HYKK: variants seen among roughly 807,000 people sequenced by gnomAD.
The protein encoded by HYKK is hydroxylysine kinase, also known as 5-hydroxy-L-lysine kinase.
HYKK carries 19 observed loss-of-function variants against 29.7 expected under a neutral mutation model. The observed-to-expected ratio is 0.64, with a 90% confidence interval of 0.45 to 0.94. The LOEUF (loss-of-function observed/expected upper bound fraction) is 0.94. HYKK is among the 40% of genes least tolerant of loss of function. HYKK has a pLI of 0.00. For synonymous variants in HYKK, 152 were observed against 158.1 expected, an observed-to-expected ratio of 0.96 and a Z score of 0.29; for missense variants, 390 against 443.4, an observed-to-expected ratio of 0.88 and a Z score of 1.08.
At position 78,513,135 on chromosome 15, in the gene HYKK, C is replaced by G; in HGVS notation, c.47C>G (p.Thr16Ser). The G allele has an allele frequency of 1.2e-6, 2 of 1,614,096 alleles. No individual in the cohort carries two copies. The highest frequency in any genetic ancestry group is 1.7e-5 in the Admixed American group (1 of 60,008). ...YQQSEALSKP[T>S]FSEEQASALV... ...CAGTCAGAGGCTCTTAGCAAACCCA[C>G]TTTCAGTGAGGAACAAGCCTCTGCG... The change falls in exon 2 of 5, where the codon ACT becomes AGT. Residue 16 changes from threonine (T) to serine (S), a missense_variant. Coordinates refer to ENST00000388988, the MANE Select transcript of HYKK (RefSeq NM_001013619.4).
At position 78,514,991 on chromosome 15, in the gene HYKK, T is replaced by C; in HGVS notation, c.361T>C (p.Tyr121His). ...AGATAGTGGCTCTGAAATCAAAAGC[T>C]ACTTGGTGAGGCTGCTGACTTACCT... ...SVDSGSEIKS[Y>H]LVRLLTYLPG... The change falls in exon 3 of 5, where the codon TAC becomes CAC. Residue 121 changes from tyrosine (Y) to histidine (H), a missense_variant. Tyr to His is a moderately conservative substitution (Grantham distance 83). Transcript: ENST00000388988. 3 of 1,579,288 alleles carry C rather than the reference T, an allele frequency of 1.9e-6. No individual in the cohort carries two copies. The highest frequency in any genetic ancestry group is 2.6e-6 in the Non-Finnish European group (3 of 1,161,472).
At chr15:78,513,530 T>A in intron 2 of HYKK, 105 bp downstream of exon 2, 1 of 807,764 alleles carries the variant, frequency 1.2e-6, no homozygotes, top group East Asian at 2.5e-5. Context: ...CAAGTGTAGA[T>A]GTGGTTGTTA....
intron 3 of HYKK, among the ~76,000 whole-genome samples, chr15:78,517,688 C>G (rs562372615): frequency 6.6e-6 from 1 of 152,230 alleles, no homozygotes; most frequent in Admixed American, 6.5e-5. Flanking sequence ...CACTGGGATA[C>G]CTTGAGTGGA....
intron 3 of HYKK, among the ~76,000 whole-genome samples, chr15:78,520,405 C>T (rs1268494985): frequency 6.6e-6 from 1 of 152,012 alleles, no homozygotes; most frequent in Non-Finnish European, 1.5e-5. Context: ...GTGTTTGTGT[C>T]CCTGGGTACT....
chr15:78,532,859 A>G (rs1311007139), intron 4 of HYKK, among the ~76,000 whole-genome samples: 1 of 152,204 alleles, frequency 6.6e-6, no homozygotes, highest in Non-Finnish European at 1.5e-5. Flanking sequence ...GGTCCATTCT[A>G]GGACTCTTTG....
At chr15:78,528,883 A>G (rs1000347785) in intron 4 of HYKK, 1 of 977,228 alleles carries the variant, frequency 1.0e-6, no homozygotes, top group African/African-American at 1.8e-5. Context: ...GTGTTTCCTT[A>G]CTCCGTGTAA....
rs2052342220 is a variant in HYKK at position 78,534,351 on chromosome 15, GCCATT to G, written c.*683_*687del. ...TGCAAGCTCCGCTTCTCGAGTTCAC[GCCATT>G]CTCCTGCCTCAGCCTCCTGAGTAGC... On this transcript the variant is annotated 3_prime_UTR_variant, in exon 5 of 5. Coordinates refer to ENST00000388988, the MANE Select transcript of HYKK (RefSeq NM_001013619.4). 6.8e-6 allele frequency: 1 copy of G among 146,486 alleles called. No homozygotes were observed. The highest frequency in any genetic ancestry group is 1.5e-5 in the Non-Finnish European group (1 of 67,286). The allele number at this position is 146,486 out of a possible 1,614,324, so 9.1% of individuals were successfully genotyped here.
chr15:78,533,314 G>A lies in HYKK; in HGVS notation c.766G>A (p.Asp256Asn), dbSNP rs200974040. ...YQVSGILDFG[D>N]MSYGYYVFEV... ...AGTGTCTGGGATTTTAGACTTTGGT[G>A]ACATGAGCTATGGCTACTATGTGTT... Residue 256 changes from aspartate to asparagine, a missense_variant, in exon 5 of 5, where the codon GAC becomes AAC. By Grantham distance (23) the Asp-to-Asn change is conservative (BLOSUM62 1). Coordinates refer to ENST00000388988, the MANE Select transcript of HYKK (RefSeq NM_001013619.4). 1 of 1,614,106 alleles carries A rather than the reference G, an allele frequency of 6.2e-7. No homozygotes were observed. The highest frequency in any genetic ancestry group is 8.5e-7 in the Non-Finnish European group (1 of 1,179,942).
intron 2 of HYKK, 110 bp downstream of exon 2, chr15:78,513,535 T>C (rs1414499443): frequency 2.6e-6 from 2 of 782,956 alleles, no homozygotes; most frequent in East Asian, 5.1e-5. Context: ...GTAGATGTGG[T>C]TGTTATTATT....
At chr15:78,515,408 A>G (rs553174699) in intron 3 of HYKK, among the ~76,000 whole-genome samples, 22 of 152,124 alleles carry the variant, frequency 1.4e-4, no homozygotes, top group Non-Finnish European at 2.9e-4. Flanking sequence ...ACATAGTGAA[A>G]CCCCATCTCT....
intron 4 of HYKK, among the ~76,000 whole-genome samples, chr15:78,532,013 A>T (rs2052317422): frequency 6.6e-6 from 1 of 152,200 alleles, no homozygotes; most frequent in Non-Finnish European, 1.5e-5. Flanking sequence ...TTATATTTAA[A>T]AGTTAAAATT....
At chr15:78,512,400 C>CTTTTTTTTTTTTTT (rs902963099) in intron 1 of HYKK, among the ~76,000 whole-genome samples, 45 of 125,660 alleles carry the variant, frequency 3.6e-4, no homozygotes, top group Non-Finnish European at 4.6e-4. Flanking sequence ...TTTTCTTTTT[C>CTTTTTTTTTTTTTT]TTTTTTTTTT....
Position 78,533,365 on chromosome 15 carries a change from A to C in HYKK, c.817A>C (p.Met273Leu). ...TGAAGTGGCAATTACCATCATGTAC[A>C]TGATGATTGAGAGCAAGAGTCCTAT... ...VFEVAITIMY[M>L]MIESKSPIQV... The change falls in exon 5 of 5, where the codon ATG becomes CTG. Residue 273 changes from methionine to leucine, a missense_variant. By Grantham distance (15) the Met-to-Leu change is conservative. Transcript: ENST00000388988. 1.2e-6 allele frequency: 2 copies of C among 1,614,250 alleles called. No individual in the cohort carries two copies. Among genetic ancestry groups the C allele is most frequent in the South Asian group, 1.1e-5 (1 of 91,082 alleles).
At chr15:78,521,157 C>G (rs2052192411) in intron 3 of HYKK, among the ~76,000 whole-genome samples, 1 of 152,108 alleles carries the variant, frequency 6.6e-6, no homozygotes, top group Admixed American at 6.5e-5. Context: ...AGCAGTTGGT[C>G]AGGTAGGCCT....
rs766004199 is a variant in HYKK, at chr15:78,514,908, C to CTCTCTA, written c.338-59_338-58insCTCTAT. 885 of 384,864 alleles carry CTCTCTA rather than the reference C, an allele frequency of 2.3e-3. 3 individuals carry two copies. The highest frequency in any genetic ancestry group is 0.011 in the African/African-American group (461 of 40,474). The allele number at this position is 384,864 out of a possible 1,614,324, so 23.8% of individuals were successfully genotyped here. The stretch of plus-strand genomic sequence containing the variant: ...TAAATACCTCTCTCTCTCTCTCTCT[C>CTCTCTA]TATATATATATATATATATAAATAA... On this transcript the variant is annotated intron_variant, in intron 2 of 4. Transcript: ENST00000388988.
intron 1 of HYKK, among the ~76,000 whole-genome samples, chr15:78,509,035 C>G (rs1169940975): frequency 6.6e-6 from 1 of 151,752 alleles, no homozygotes; most frequent in Admixed American, 6.6e-5. Flanking sequence ...GTGACAGAGA[C>G]CTTGTCTCAA....
Position 78,531,733 on chromosome 15 carries a change from G to A in HYKK, c.662-1477G>A, listed in dbSNP as rs191965005. On this transcript the variant is annotated intron_variant, in intron 4 of 4. Transcript: ENST00000388988. The stretch of plus-strand genomic sequence containing the variant: ...TTTAATAGAAACAGGGTTTCACTAC[G>A]TTGGATAGGCTGGTCTCGAACTCCT... 6.6e-5 allele frequency among the ~76,000 whole-genome samples: 10 copies of A among 152,246 alleles called. No homozygotes were observed. The East Asian group carries it at 9.6e-4, about 15-fold the overall frequency.
chr15:78,515,075 A>C lies in HYKK; in HGVS notation c.445A>C (p.Lys149Gln), dbSNP rs751013035. The change falls in exon 3 of 5, where the codon AAA (lysine) becomes CAA (glutamine). Residue 149 changes from lysine (K) to glutamine (Q), a missense_variant. Coordinates refer to ENST00000388988, the MANE Select transcript of HYKK (RefSeq NM_001013619.4). The part of the protein sequence containing the change: ...VSPQLLYEIG[K>Q]LAAKLDKTLQ... ...CCCCCAGCTATTGTATGAAATTGGA[A>C]AACTAGCTGCCAAATTGGATAAGAC... 1 of 1,597,216 alleles carries C rather than the reference A, an allele frequency of 6.3e-7. No individual in the cohort carries two copies. The highest frequency in any genetic ancestry group is 1.7e-5 in the Admixed American group (1 of 58,576).
chr15:78,512,919 C>T (rs995065471), intron 1 of HYKK, among the ~76,000 whole-genome samples, 165 bp from the exon 2 acceptor site: 2 of 152,186 alleles, frequency 1.3e-5, no homozygotes, highest in Non-Finnish European at 2.9e-5. Context: ...ACTTCTTGAT[C>T]TTATTCACTG....
Sources: allele counts gnomAD v4.1 joint callset (sites outside exome capture counted in the v4.1 genomes callset), GRCh38; gene constraint gnomAD v4.1.1; transcripts MANE v1.5; gene names NCBI Gene and HGNC (gene_info 2026-07-23, HGNC 2026-07-21).